The following GATAD2B variants were observed in gnomAD, a reference collection of about 807,000 sequenced individuals.
GATAD2B encodes the protein GATA zinc finger domain containing 2B.
A neutral mutation model predicts 64.3 loss-of-function variants in GATAD2B; 8 were observed. The ratio of observed to expected loss-of-function variants is 0.12; its 90% confidence interval spans 0.07 to 0.22. The LOEUF is 0.22. GATAD2B is among the 10% of genes least tolerant of loss of function. The pLI is 1.00. For missense variants in GATAD2B, 453 were observed against 752.0 expected (o/e 0.60, Z 4.65); for synonymous variants, 281 against 271.3 (o/e 1.04, Z -0.35).
At chr1:153,882,749 A>C (rs188529770) in intron 1 of GATAD2B, among the ~76,000 whole-genome samples, 1 of 150,964 alleles carries the variant, frequency 6.6e-6, no homozygotes. Context: ...ACACATCCCT[A>C]TGTCATTCTA....
Position 153,810,122 on chromosome 1 carries a change from G to A in GATAD2B, c.*55C>T. On this transcript the variant is annotated 3_prime_UTR_variant, in exon 11 of 11. Coordinates refer to ENST00000368655, the MANE Select transcript of GATAD2B (RefSeq NM_020699.4). Reference sequence around the variant, plus strand: ...TGCATGCGACAGAAGTTGGGGGAATGAAAGAGGAAAGGGATAAAGGATTCA... The same window carrying A: ...TGCATGCGACAGAAGTTGGGGGAATAAAAGAGGAAAGGGATAAAGGATTCA... The A allele has an allele frequency of 6.5e-7, 1 of 1,543,064 alleles. No homozygotes were observed. Among genetic ancestry groups the A allele is most frequent in the Non-Finnish European group, 8.8e-7 (1 of 1,137,166 alleles).
intron 1 of GATAD2B, among the ~76,000 whole-genome samples, chr1:153,900,220 A>C (rs902867498): frequency 6.6e-6 from 1 of 151,974 alleles, no homozygotes; most frequent in Non-Finnish European, 1.5e-5. Flanking sequence ...ATTCGAGACA[A>C]ATCTGGCCAA....
intron 1 of GATAD2B, among the ~76,000 whole-genome samples, chr1:153,883,504 G>A (rs1304044103): frequency 2.0e-5 from 3 of 152,154 alleles, no homozygotes; most frequent in Non-Finnish European, 2.9e-5. Context: ...CAACATAAAG[G>A]AAAACATGAT....
At chr1:153,876,687 G>A (rs1315578102) in intron 1 of GATAD2B, among the ~76,000 whole-genome samples, 2 of 152,208 alleles carry the variant, frequency 1.3e-5, no homozygotes, top group Non-Finnish European at 2.9e-5. Flanking sequence ...GAAAGCAAAT[G>A]TGCCAGACAA....
chr1:153,849,226 A>G (rs1332083092), intron 1 of GATAD2B, among the ~76,000 whole-genome samples: 1 of 152,230 alleles, frequency 6.6e-6, no homozygotes, highest in Non-Finnish European at 1.5e-5. Flanking sequence ...GAAGCCTAAC[A>G]TCAAGGTACT....
intron 1 of GATAD2B, among the ~76,000 whole-genome samples, chr1:153,902,603 T>A (rs1024776948): frequency 6.6e-6 from 1 of 151,964 alleles, no homozygotes. Flanking sequence ...CACAGGCACA[T>A]ACCACCATAC....
At position 153,810,601 on chromosome 1, in the gene GATAD2B, C is replaced by T. The variant is rs114840453; in HGVS notation, c.1649-291G>A. ...TCCAGAGTAGCTGGAATTATAGGCG[C>T]GTGCCACTACTGCCCGGCTATTTTT... On this transcript the variant is annotated intron_variant, in intron 10 of 10. Transcript: ENST00000368655. 0.017 allele frequency among the ~76,000 whole-genome samples: 2,578 copies of T among 152,074 alleles called. 81 individuals carry two copies. The highest frequency in any genetic ancestry group is 0.06 in the African/African-American group (2,487 of 41,454).
intron 1 of GATAD2B, among the ~76,000 whole-genome samples, chr1:153,883,832 G>T (rs1298870894): frequency 2.0e-5 from 3 of 151,870 alleles, no homozygotes; most frequent in Non-Finnish European, 4.4e-5. Context: ...AGTACTCTAC[G>T]TTTACTATAT....
intron 1 of GATAD2B, among the ~76,000 whole-genome samples, chr1:153,893,578 C>A (rs1677486171): frequency 6.6e-6 from 1 of 151,048 alleles, no homozygotes; most frequent in Non-Finnish European, 1.5e-5. Context: ...ACACTGCACT[C>A]CAGCCTGGGC....
intron 1 of GATAD2B, among the ~76,000 whole-genome samples, chr1:153,908,709 C>G (rs1193760276): frequency 2.0e-5 from 3 of 149,392 alleles, no homozygotes; most frequent in African/African-American, 7.4e-5. Flanking sequence ...CTCAGGTGAT[C>G]CGCCCGCCTG....
intron 3 of GATAD2B, 83 bp downstream of exon 3, chr1:153,819,522 CA>C: frequency 5.8e-6 from 6 of 1,034,038 alleles, no homozygotes; most frequent in Non-Finnish European, 8.5e-6. Flanking sequence ...AGTAAATAGT[CA>C]AAAAACAGAA....
intron 1 of GATAD2B, among the ~76,000 whole-genome samples, chr1:153,905,553 G>GA (rs769120730): frequency 0.05 from 3,246 of 64,456 alleles, 66 homozygotes; most frequent in East Asian, 0.096. Context: ...AACAATTTTG[G>GA]AAAAAAAAAA....
intron 1 of GATAD2B, among the ~76,000 whole-genome samples, chr1:153,894,909 A>G (rs1028407899): frequency 1.3e-5 from 2 of 152,098 alleles, no homozygotes; most frequent in African/African-American, 4.8e-5. Context: ...CTGTAATCCC[A>G]GCACTTTGGG....
chr1:153,904,992 C>A (rs1346471130), intron 1 of GATAD2B, among the ~76,000 whole-genome samples: 2 of 152,064 alleles, frequency 1.3e-5, no homozygotes, highest in African/African-American at 4.8e-5. Flanking sequence ...CATGCATGAG[C>A]CACCGCCCTG....
chr1:153,902,221 C>T (rs889423034), intron 1 of GATAD2B, among the ~76,000 whole-genome samples: 3 of 151,852 alleles, frequency 2.0e-5, no homozygotes, highest in African/African-American at 7.3e-5. Context: ...GCGGAGGTTG[C>T]GGTGAGCCAA....
At position 153,879,065 on chromosome 1, in the gene GATAD2B, G is replaced by A. The variant is rs372918411; in HGVS notation, c.-2+43668C>T. Reference sequence around the variant, plus strand: ...AGCGATTCTCCTGCCTCAGCCTCCCGAGTAGCTGGGACTACAGGCGCAAGC... The same window carrying A: ...AGCGATTCTCCTGCCTCAGCCTCCCAAGTAGCTGGGACTACAGGCGCAAGC... On this transcript the variant is annotated intron_variant, in intron 1 of 10. Coordinates refer to ENST00000368655, the MANE Select transcript of GATAD2B (RefSeq NM_020699.4). Among the ~76,000 whole-genome samples, 74 of 151,954 alleles carry A rather than the reference G, an allele frequency of 4.9e-4. No homozygotes were observed. The South Asian group carries it at 0.013, about 28-fold the overall frequency.
intron 1 of GATAD2B, among the ~76,000 whole-genome samples, chr1:153,838,822 G>A (rs2101899532): frequency 6.6e-6 from 1 of 152,216 alleles, no homozygotes; most frequent in East Asian, 1.9e-4. Context: ...TATATAAGAA[G>A]GCAGAGGCTG....
rs375387478 is a variant in GATAD2B, at chr1:153,828,138, A to G, written c.210T>C (p.Ser70=). 1.4e-4 allele frequency: 234 copies of G among 1,613,984 alleles called. No homozygotes were observed. Among genetic ancestry groups the G allele is most frequent in the Middle Eastern group, 6.6e-4 (4 of 6,084 alleles). The change falls in exon 2 of 11, where the codon AGT becomes AGC. Residue 70 remains serine, a synonymous_variant. Transcript: ENST00000368655. ...GTTTTTCTTCATAGCCCTTGACACC[A>G]CTGCCATCCTGTTTGGTGGGTAACT... ...PHELPTKQDG[S]GVKGYEEKLN...
intron 1 of GATAD2B, among the ~76,000 whole-genome samples, chr1:153,900,948 T>C (rs1677749076): frequency 6.6e-6 from 1 of 152,176 alleles, no homozygotes; most frequent in Admixed American, 6.6e-5. Context: ...GCGTGGTGGT[T>C]TACACCTGTA....
Sources: allele counts gnomAD v4.1 joint callset (sites outside exome capture counted in the v4.1 genomes callset), GRCh38; gene constraint gnomAD v4.1.1; transcripts MANE v1.5; gene names NCBI Gene and HGNC (gene_info 2026-07-23, HGNC 2026-07-21).